MAGI3: variants seen among roughly 807,000 people sequenced by gnomAD.
The protein encoded by MAGI3 is membrane-associated guanylate kinase, WW and PDZ domain-containing protein 3.
A neutral mutation model predicts 121.8 loss-of-function variants in MAGI3; 43 were observed. That is an observed-to-expected ratio of 0.35 (90% CI 0.28 to 0.46). MAGI3 has a LOEUF of 0.46. Among genes scored for constraint, MAGI3 ranks in the 20% least tolerant of loss-of-function variants. The pLI, the probability that MAGI3 is intolerant of heterozygous loss-of-function variation, is 1.00. For missense variants in MAGI3, 1,547 were observed against 1,797.3 expected (o/e 0.86, Z 2.52); for synonymous variants, 553 against 639.3 (o/e 0.86, Z 2.04).
At chr1:113,411,977 A>AACTCGT (rs565211110) in intron 1 of MAGI3, among the ~76,000 whole-genome samples, 301 of 151,636 alleles carry the variant, frequency 2.0e-3, no homozygotes, top group Non-Finnish European at 3.6e-3. Flanking sequence ...TGCACCCATC[A>AACTCGT]ACTCGTATTT....
chr1:113,626,338 T>G (rs937763164), intron 9 of MAGI3, among the ~76,000 whole-genome samples: 1 of 152,240 alleles, frequency 6.6e-6, no homozygotes, highest in Admixed American at 6.5e-5. Flanking sequence ...GAATGTTCTT[T>G]TTAATGTATT....
At chr1:113,590,449 C>G in intron 4 of MAGI3, 35 bp from the exon 5 acceptor site, 1 of 1,601,970 alleles carries the variant, frequency 6.2e-7, no homozygotes, top group Non-Finnish European at 8.5e-7. Context: ...TAACTTTACC[C>G]ACTTTTCACA....
At chr1:113,547,464 A>T (rs923678785) in intron 1 of MAGI3, among the ~76,000 whole-genome samples, 1 of 152,188 alleles carries the variant, frequency 6.6e-6, no homozygotes, top group Non-Finnish European at 1.5e-5. Context: ...AAGTGGGGGA[A>T]AAAACAATGA....
chr1:113,566,437 G>T (rs1660435736), intron 2 of MAGI3, among the ~76,000 whole-genome samples: 1 of 152,058 alleles, frequency 6.6e-6, no homozygotes, highest in South Asian at 2.1e-4. Flanking sequence ...CAGAGGACTT[G>T]AACAATACAA....
intron 1 of MAGI3, among the ~76,000 whole-genome samples, chr1:113,457,589 C>A (rs1445480710): frequency 6.6e-6 from 1 of 151,294 alleles, no homozygotes; most frequent in East Asian, 1.9e-4. Flanking sequence ...ATTTGAGTAC[C>A]TTTTAAGTGC....
intron 1 of MAGI3, among the ~76,000 whole-genome samples, chr1:113,534,100 ACT>A (rs1338180864): frequency 6.6e-6 from 1 of 151,748 alleles, no homozygotes; most frequent in Non-Finnish European, 1.5e-5. Flanking sequence ...ATGTTTCTTG[ACT>A]CTGCCTCCTA....
intron 2 of MAGI3, among the ~76,000 whole-genome samples, chr1:113,550,402 C>T (rs996204121): frequency 6.7e-6 from 1 of 148,628 alleles, no homozygotes; most frequent in African/African-American, 2.5e-5. Context: ...GGTGAAAGAG[C>T]GAGATTCCGT....
At chr1:113,477,847 A>G (rs985044614) in intron 1 of MAGI3, among the ~76,000 whole-genome samples, 14 of 152,120 alleles carry the variant, frequency 9.2e-5, no homozygotes, top group African/African-American at 3.4e-4. Context: ...CATTCTCCCC[A>G]TCACTTTCAG....
At chr1:113,662,015 A>G (rs184574915) in intron 16 of MAGI3, among the ~76,000 whole-genome samples, 1 of 152,324 alleles carries the variant, frequency 6.6e-6, no homozygotes, top group African/African-American at 2.4e-5. Context: ...AAATCTATCA[A>G]CTGCATTAAT....
chr1:113,675,918 G>A (rs574521646), intron 19 of MAGI3, among the ~76,000 whole-genome samples: 1 of 152,176 alleles, frequency 6.6e-6, no homozygotes, highest in African/African-American at 2.4e-5. Context: ...AATATACATG[G>A]TCCAAGTAAA....
intron 1 of MAGI3, among the ~76,000 whole-genome samples, chr1:113,530,902 C>A (rs1353454947): frequency 8.1e-6 from 1 of 122,886 alleles, no homozygotes; most frequent in African/African-American, 2.6e-5. Flanking sequence ...GGCAGCAGAG[C>A]AAGCCCCTGT....
chr1:113,604,000 G>T (rs1649575941), intron 6 of MAGI3, among the ~76,000 whole-genome samples: 1 of 152,174 alleles, frequency 6.6e-6, no homozygotes, highest in Non-Finnish European at 1.5e-5. Flanking sequence ...TGGCATGGGT[G>T]CAGTGAAAAG....
intron 1 of MAGI3, among the ~76,000 whole-genome samples, chr1:113,522,549 C>G (rs1658250091): frequency 6.6e-6 from 1 of 152,154 alleles, no homozygotes; most frequent in Admixed American, 6.5e-5. Context: ...GGCTACTCAC[C>G]TATAAAACAG....
rs144685929 is a variant in MAGI3, at chr1:113,402,374, G to C, written c.316+11025G>C. 4.6e-3 allele frequency among the ~76,000 whole-genome samples: 694 copies of C among 152,254 alleles called. 8 individuals are homozygous for C. The highest frequency in any genetic ancestry group is 0.016 in the African/African-American group (656 of 41,572). On this transcript the variant is annotated intron_variant, in intron 1 of 20. Coordinates refer to ENST00000307546, the MANE Select transcript of MAGI3 (RefSeq NM_001142782.2). The stretch of plus-strand genomic sequence containing the variant: ...AAGCCTTTATAATGGTGTAACTTAT[G>C]ATTAAGATTTACACAGTCAAAATTG...
intron 16 of MAGI3, among the ~76,000 whole-genome samples, chr1:113,663,863 TTC>T (rs1319773315): frequency 6.6e-6 from 1 of 152,194 alleles, no homozygotes; most frequent in Non-Finnish European, 1.5e-5. Flanking sequence ...AACACTTATT[TTC>T]TGTTTCAGGG....
intron 1 of MAGI3, among the ~76,000 whole-genome samples, chr1:113,395,469 A>G (rs972681386): frequency 2.6e-5 from 4 of 151,892 alleles, no homozygotes; most frequent in Non-Finnish European, 5.9e-5. Context: ...TTCAATTCAT[A>G]TGAGTAATGG....
intron 9 of MAGI3, among the ~76,000 whole-genome samples, chr1:113,638,676 CA>C (rs1301378123): frequency 6.6e-6 from 1 of 152,210 alleles, no homozygotes; most frequent in Admixed American, 6.5e-5. Flanking sequence ...GCTCAGGGGT[CA>C]GGGGTCAGGG....
intron 1 of MAGI3, among the ~76,000 whole-genome samples, chr1:113,447,681 C>T (rs1201010259): frequency 6.6e-6 from 1 of 152,136 alleles, no homozygotes; most frequent in Admixed American, 6.5e-5. Flanking sequence ...TTGTGAAATC[C>T]TGTCTCTACT....
At chr1:113,633,285 G>A (rs1651776562) in intron 9 of MAGI3, among the ~76,000 whole-genome samples, 2 of 73,648 alleles carry the variant, frequency 2.7e-5, no homozygotes, top group African/African-American at 5.3e-5. Context: ...TTTTTGAGAC[G>A]GAGTCTCGCT....
Sources: gnomAD v4.1 joint callset for allele counts (sites outside exome capture counted in the v4.1 genomes callset) on GRCh38, gnomAD v4.1.1 for gene constraint, MANE v1.5 for transcripts, NCBI Gene and HGNC (gene_info 2026-07-23, HGNC 2026-07-21) for gene names.